Variants in SYNE2 observed in about 807,000 individuals in gnomAD.
SYNE2 encodes the protein spectrin repeat containing nuclear envelope protein 2.
In SYNE2, 431 loss-of-function variants were observed where a neutral mutation model predicts 856.3. That is an observed-to-expected ratio of 0.50 (90% CI 0.47 to 0.55). The LOEUF (loss-of-function observed/expected upper bound fraction) is 0.55. Among genes scored for constraint, SYNE2 ranks in the 20% least tolerant of loss-of-function variants. SYNE2 has a pLI of 0.00. For missense variants in SYNE2, 8,129 were observed against 8,023.2 expected, an observed-to-expected ratio of 1.01 and a Z score of -0.50; for synonymous variants, 2,923 against 2,872.3, an observed-to-expected ratio of 1.02 and a Z score of -0.56.
intron 1 of SYNE2, among the ~76,000 whole-genome samples, chr14:63,876,946 T>G (rs1445202959): frequency 1.3e-5 from 2 of 152,164 alleles, no homozygotes. Flanking sequence ...AACAGACCTG[T>G]TATTGAGGAT....
chr14:64,087,609 T>A lies in SYNE2; in HGVS notation c.11485-62T>A. ...TTTCAATTTTCTCTGATTTAAATAT[T>A]AATCAGCTTATATCAGGATCTTGAT... On this transcript the variant is annotated intron_variant, in intron 57 of 115. Coordinates refer to ENST00000555002, the MANE Select transcript of SYNE2 (RefSeq NM_182914.3). The A allele has an allele frequency of 3.3e-6, 5 of 1,525,020 alleles. No homozygotes were observed. In the East Asian group the frequency reaches 9.0e-5, roughly 27 times the overall value. 94.5% of individuals were successfully genotyped at this position (1,525,020 alleles called of 1,614,324 possible). A position where few individuals can be genotyped will look rare whatever the true frequency, so the allele number is the denominator to read the frequency against.
At chr14:63,935,360 G>A (rs1021844463) in intron 2 of SYNE2, among the ~76,000 whole-genome samples, 1 of 152,192 alleles carries the variant, frequency 6.6e-6, no homozygotes, top group Admixed American at 6.5e-5. Context: ...AAAAATTCCA[G>A]TGAGGCTTGG....
At chr14:63,945,776 C>T (rs1566874270) in intron 6 of SYNE2, among the ~76,000 whole-genome samples, 1 of 152,102 alleles carries the variant, frequency 6.6e-6, no homozygotes, top group Non-Finnish European at 1.5e-5. Flanking sequence ...AGGTGTGTGT[C>T]ACTATGCCCA....
At chr14:64,060,506 G>T (rs959860509) in intron 49 of SYNE2, among the ~76,000 whole-genome samples, 5 of 152,092 alleles carry the variant, frequency 3.3e-5, no homozygotes, top group Non-Finnish European at 7.4e-5. Flanking sequence ...TACTTAGCTG[G>T]TATCCAAGTT....
chr14:63,868,114 T>C (rs8013611), intron 1 of SYNE2, among the ~76,000 whole-genome samples: 61,756 of 141,244 alleles, frequency 0.44, 14,467 homozygotes, highest in South Asian at 0.56. Context: ...ACTTGTGTAA[T>C]AAATTAACTA....
At chr14:64,155,598 G>T (rs2098279587) in intron 85 of SYNE2, among the ~76,000 whole-genome samples, 1 of 151,830 alleles carries the variant, frequency 6.6e-6, no homozygotes, top group African/African-American at 2.4e-5. Flanking sequence ...AACGCAGAAG[G>T]CGTGAGGCAC....
At chr14:63,942,729 A>G (rs2095940967) in intron 6 of SYNE2, among the ~76,000 whole-genome samples, 1 of 152,138 alleles carries the variant, frequency 6.6e-6, no homozygotes, top group African/African-American at 2.4e-5. Context: ...TCCTGACCTC[A>G]GGTGATCCGT....
chr14:63,790,141 C>T (rs906952728), intron 1 of SYNE2, among the ~76,000 whole-genome samples: 1 of 151,942 alleles, frequency 6.6e-6, no homozygotes, highest in Non-Finnish European at 1.5e-5. Flanking sequence ...AGACCAGCCT[C>T]GGGCAACATG....
chr14:64,157,454 T>C (rs2098295074), intron 85 of SYNE2, among the ~76,000 whole-genome samples: 1 of 152,256 alleles, frequency 6.6e-6, no homozygotes, highest in East Asian at 1.9e-4. Context: ...TTCCATTGTA[T>C]GGATATACCA....
At chr14:63,840,399 TTTCCTTCCTTCCTTCC>T (rs747899857) in intron 1 of SYNE2, among the ~76,000 whole-genome samples, 33 of 115,482 alleles carry the variant, frequency 2.9e-4, no homozygotes, top group African/African-American at 6.1e-4. Flanking sequence ...CTTTCTTTCC[TTTCCTTCCTTCCTTCC>T]TTCCTTCCTT....
At chr14:63,974,880 G>GTATATATA (rs1297032187) in intron 11 of SYNE2, among the ~76,000 whole-genome samples, 46 of 28,470 alleles carry the variant, frequency 1.6e-3, no homozygotes, top group South Asian at 6.5e-3. Flanking sequence ...GTGTGTGTGT[G>GTATATATA]TGTGTGTGTG....
At chr14:64,216,226 C>A in intron 107 of SYNE2, 22 bp from the exon 108 acceptor site, 2 of 1,613,854 alleles carry the variant, frequency 1.2e-6, no homozygotes, top group South Asian at 1.1e-5. Flanking sequence ...AATAGACTGT[C>A]GCTTGCTGTC....
chr14:64,069,135 G>T (rs769270894), intron 51 of SYNE2, among the ~76,000 whole-genome samples: 1 of 152,164 alleles, frequency 6.6e-6, no homozygotes, highest in Admixed American at 6.6e-5. Context: ...AGTTTCTGGT[G>T]TGTAAGCACC....
At chr14:63,990,744 A>G (rs560843770) in intron 20 of SYNE2, among the ~76,000 whole-genome samples, 175 bp downstream of exon 20, 3 of 152,218 alleles carry the variant, frequency 2.0e-5, no homozygotes, top group Non-Finnish European at 2.9e-5. Flanking sequence ...TATAAGTATC[A>G]TAAGTATCAT....
At chr14:63,981,963 C>CATAACTT (rs1202964502) in intron 16 of SYNE2, among the ~76,000 whole-genome samples, 37 of 152,276 alleles carry the variant, frequency 2.4e-4, no homozygotes, top group African/African-American at 8.9e-4. Context: ...GTCTTTCTGT[C>CATAACTT]TTTAAAGATC....
chr14:64,184,640 A>G (rs2098479693), intron 96 of SYNE2, among the ~76,000 whole-genome samples: 1 of 152,148 alleles, frequency 6.6e-6, no homozygotes, highest in Non-Finnish European at 1.5e-5. Flanking sequence ...AGTAAGTGGT[A>G]CACCTCAGCT....
intron 87 of SYNE2, among the ~76,000 whole-genome samples, chr14:64,160,934 A>G (rs927494454): frequency 6.6e-6 from 1 of 152,218 alleles, no homozygotes; most frequent in Non-Finnish European, 1.5e-5. Flanking sequence ...AAACTAAGGA[A>G]TTTAGCAATT....
chr14:64,007,014 A>C, intron 30 of SYNE2, 29 bp from the exon 31 acceptor site: 1 of 1,574,160 alleles, frequency 6.4e-7, no homozygotes, highest in Non-Finnish European at 8.7e-7. Flanking sequence ...ACAGTTGGCT[A>C]TCAAACTTTT....
chr14:64,131,589 T>C (rs1208242835), intron 76 of SYNE2, among the ~76,000 whole-genome samples: 1 of 152,192 alleles, frequency 6.6e-6, no homozygotes, highest in Non-Finnish European at 1.5e-5. Flanking sequence ...TTTTTGTTTT[T>C]GTTTTTTTAA....
Sources: allele counts gnomAD v4.1 joint callset (sites outside exome capture counted in the v4.1 genomes callset), GRCh38; gene constraint gnomAD v4.1.1; transcripts MANE v1.5; gene names NCBI Gene and HGNC (gene_info 2026-07-23, HGNC 2026-07-21).